Variants in TTC9 observed in about 807,000 individuals in gnomAD.
TTC9 encodes tetratricopeptide repeat protein 9A.
TTC9 carries 13 observed loss-of-function variants against 22.9 expected under a neutral mutation model. The observed-to-expected ratio is 0.57, with a 90% CI of 0.37 to 0.90. The LOEUF (loss-of-function observed/expected upper bound fraction) is 0.90. TTC9 is among the 40% of genes least tolerant of loss of function. The probability of loss-of-function intolerance (pLI) is 0.01; values close to 1 mark genes in which losing one functional copy is unlikely to be tolerated. For missense variants in TTC9, 280 were observed against 291.8 expected (o/e 0.96, Z 0.29); for synonymous variants, 148 against 133.2 (o/e 1.11, Z -0.77).
At chr14:70,653,333 CAG>C (rs1555361988) in intron 1 of TTC9, among the ~76,000 whole-genome samples, 43 of 152,298 alleles carry the variant, frequency 2.8e-4, no homozygotes, top group Middle Eastern at 6.8e-3. Flanking sequence ...GAGGACAAAA[CAG>C]GGGCCAGGGG....
At chr14:70,669,441 G>C (rs1484900334) in intron 2 of TTC9, among the ~76,000 whole-genome samples, 1 of 151,902 alleles carries the variant, frequency 6.6e-6, no homozygotes, top group African/African-American at 2.4e-5. Context: ...TACCATGCCT[G>C]GCTAATGTTT....
At chr14:70,659,132 GCACACA>G (rs71105721) in intron 1 of TTC9, among the ~76,000 whole-genome samples, 4 of 144,226 alleles carry the variant, frequency 2.8e-5, no homozygotes, top group African/African-American at 7.8e-5. Context: ...ACACACACAC[GCACACA>G]CACACACACA....
chr14:70,657,462 GAC>G (rs1886083958), intron 1 of TTC9, among the ~76,000 whole-genome samples: 1 of 152,198 alleles, frequency 6.6e-6, no homozygotes, highest in Admixed American at 6.5e-5. Context: ...GAAAACAAAA[GAC>G]ACACTTGACA....
chr14:70,669,507 C>T (rs1358310178), intron 2 of TTC9, among the ~76,000 whole-genome samples: 1 of 151,178 alleles, frequency 6.6e-6, no homozygotes, highest in Non-Finnish European at 1.5e-5. Context: ...TCTTGAACTC[C>T]TGGGCTCAAG....
chr14:70,670,240 C>T (rs967105019), intron 2 of TTC9, among the ~76,000 whole-genome samples: 3 of 152,334 alleles, frequency 2.0e-5, no homozygotes, highest in Non-Finnish European at 2.9e-5. Context: ...GACTCAATCT[C>T]GCTAGGTCCC....
chr14:70,642,588 C>G (rs1885839376), intron 1 of TTC9, 53 bp downstream of exon 1: 8 of 1,473,602 alleles, frequency 5.4e-6, no homozygotes, highest in Non-Finnish European at 7.2e-6. Context: ...GGCCCGGTCC[C>G]TCCGCGGACC....
rs377087837 is a variant in TTC9, at chr14:70,671,179, G to C, written c.*24G>C. On this transcript the variant is annotated 3_prime_UTR_variant, in exon 3 of 3. Coordinates refer to ENST00000256367, the MANE Select transcript of TTC9 (RefSeq NM_015351.2). ...AACCAGGAAGCAGCTCCAGAGCTGC[G>C]CCCACGCCTGACCGGGGACTTCCAG... 1 of 1,604,602 alleles carries C rather than the reference G, an allele frequency of 6.2e-7. No individual in the cohort carries two copies. Among genetic ancestry groups the C allele is most frequent in the Non-Finnish European group, 8.5e-7 (1 of 1,173,078 alleles).
At chr14:70,670,041 A>G (rs1457428873) in intron 2 of TTC9, among the ~76,000 whole-genome samples, 2 of 152,222 alleles carry the variant, frequency 1.3e-5, no homozygotes, top group African/African-American at 4.8e-5. Flanking sequence ...CAATAAAGCA[A>G]AGTCATTTTA....
At chr14:70,667,174 T>C (rs1451628197) in intron 1 of TTC9, among the ~76,000 whole-genome samples, 1 of 152,208 alleles carries the variant, frequency 6.6e-6, no homozygotes, top group Non-Finnish European at 1.5e-5. Flanking sequence ...GTGTACATAT[T>C]TCCCCTTTTT....
chr14:70,659,132 G>GCGCGCACACACACACACA lies in TTC9; in HGVS notation c.407-8431_407-8430insGCGCACACACACACACAC, dbSNP rs762892061. 4.3e-3 allele frequency among the ~76,000 whole-genome samples: 615 copies of GCGCGCACACACACACACA among 144,322 alleles called. 10 individuals carry two copies. The highest frequency in any genetic ancestry group is 0.032 in the East Asian group (160 of 4,948). The allele number at this position is 144,322 out of a possible 152,430, so 94.7% of individuals were successfully genotyped here. On this transcript the variant is annotated intron_variant, in intron 1 of 2. Coordinates refer to ENST00000256367, the MANE Select transcript of TTC9 (RefSeq NM_015351.2). Reference sequence around the variant, plus strand: ...TGTATATAACTAAACACACACACACGCACACACACACACACACACACACAC... The same window carrying GCGCGCACACACACACACA: ...TGTATATAACTAAACACACACACACGCGCGCACACACACACACACACACACACACACACACACACACAC...
chr14:70,643,661 G>T (rs1172034336), intron 1 of TTC9, among the ~76,000 whole-genome samples: 1 of 152,150 alleles, frequency 6.6e-6, no homozygotes, highest in Non-Finnish European at 1.5e-5. Context: ...GTCTGAAGCC[G>T]AGGCAGTGGT....
chr14:70,643,247 C>A (rs541669662), intron 1 of TTC9, among the ~76,000 whole-genome samples: 1 of 152,164 alleles, frequency 6.6e-6, no homozygotes, highest in Non-Finnish European at 1.5e-5. Context: ...TCAGTCCTCA[C>A]GCCAGCTGGC....
Position 70,641,999 on chromosome 14 carries a change from G to T in TTC9, c.-131G>T. ...AGTGCGGGGCGCCAGACCGCCGCGG[G>T]GTGTCACGGCCGCCACGAAGCCTGC... On this transcript the variant is annotated 5_prime_UTR_variant, in exon 1 of 3. Transcript: ENST00000256367. The T allele has an allele frequency of 1.9e-6, 1 of 513,196 alleles. No individual in the cohort carries two copies. The highest frequency in any genetic ancestry group is 2.5e-6 in the Non-Finnish European group (1 of 395,108). The allele number at this position is 513,196 out of a possible 1,614,324, so 31.8% of individuals were successfully genotyped here.
chr14:70,670,421 G>T (rs759496933), intron 2 of TTC9, among the ~76,000 whole-genome samples: 40 of 152,134 alleles, frequency 2.6e-4, no homozygotes, highest in Non-Finnish European at 1.2e-4. Flanking sequence ...ACTTTGGGAG[G>T]CCAAGGTGGG....
At chr14:70,664,709 A>G (rs1886189569) in intron 1 of TTC9, among the ~76,000 whole-genome samples, 2 of 146,674 alleles carry the variant, frequency 1.4e-5, no homozygotes, top group Middle Eastern at 3.4e-3. Flanking sequence ...AGCCTAGGCA[A>G]TAGAGCGTGA....
chr14:70,668,715 G>A (rs1278275301), intron 2 of TTC9, among the ~76,000 whole-genome samples: 4 of 151,976 alleles, frequency 2.6e-5, no homozygotes, highest in Non-Finnish European at 5.9e-5. Context: ...GCTGGGTGTG[G>A]TGGTGGACAC....
chr14:70,643,122 G>A (rs1885849712), intron 1 of TTC9, among the ~76,000 whole-genome samples: 1 of 152,160 alleles, frequency 6.6e-6, no homozygotes, highest in Admixed American at 6.5e-5. Context: ...GCTCTGCTGG[G>A]GCTCCCGGTT....
intron 1 of TTC9, among the ~76,000 whole-genome samples, chr14:70,656,224 C>T (rs1428479689): frequency 1.4e-5 from 2 of 142,230 alleles, no homozygotes; most frequent in Non-Finnish European, 3.2e-5. Flanking sequence ...CACACACACA[C>T]ACACACACAC....
chr14:70,659,645 T>C (rs985280867), intron 1 of TTC9, among the ~76,000 whole-genome samples: 2 of 152,194 alleles, frequency 1.3e-5, no homozygotes, highest in Non-Finnish European at 2.9e-5. Flanking sequence ...ACATAGGAAG[T>C]TTCCGGATGA....
Sources: allele counts gnomAD v4.1 joint callset (sites outside exome capture counted in the v4.1 genomes callset), GRCh38; gene constraint gnomAD v4.1.1; transcripts MANE v1.5; gene names NCBI Gene and HGNC (gene_info 2026-07-23, HGNC 2026-07-21).